LRIF1: variants seen among roughly 807,000 people sequenced by gnomAD.
LRIF1 encodes ligand-dependent nuclear receptor-interacting factor 1.
LRIF1 carries 32 observed loss-of-function variants against 52.7 expected under a neutral mutation model. The observed-to-expected ratio is 0.61, with a 90% CI of 0.46 to 0.82. The LOEUF is 0.82. LRIF1 is among the 40% of genes least tolerant of loss of function. The pLI is 0.00. For missense variants in LRIF1, 887 were observed against 892.0 expected, an observed-to-expected ratio of 0.99 and a Z score of 0.07; for synonymous variants, 323 against 317.4, an observed-to-expected ratio of 1.02 and a Z score of -0.19.
At chr1:110,937,982 C>T in the LRIF1 span, 1 of 151,982 alleles carries the variant, frequency 6.6e-6, no homozygotes, top group African/African-American at 2.4e-5. Context: ...AATTCCTAGA[C>T]ACATATAATG....
intron 1 of LRIF1, among the ~76,000 whole-genome samples, chr1:110,957,240 G>A (rs1043707125): frequency 1.4e-5 from 2 of 147,432 alleles, no homozygotes; most frequent in Non-Finnish European, 3.0e-5. Context: ...GGTGGATCAC[G>A]AGGTCAGGAG....
At chr1:110,903,749 G>GTTTT in the LRIF1 span, among the ~76,000 whole-genome samples, 2 of 152,168 alleles carry the variant, frequency 1.3e-5, no homozygotes, top group African/African-American at 4.8e-5. Flanking sequence ...AAAGCGGAGG[G>GTTTT]AAAAGTAAAG....
chr1:110,900,336 G>A, the LRIF1 span, among the ~76,000 whole-genome samples: 4 of 152,196 alleles, frequency 2.6e-5, no homozygotes, highest in Non-Finnish European at 4.4e-5. Flanking sequence ...CATGAGATTC[G>A]GCACCCAAAA....
At chr1:110,883,303 T>C in the LRIF1 span, among the ~76,000 whole-genome samples, 1 of 152,002 alleles carries the variant, frequency 6.6e-6, no homozygotes, top group Non-Finnish European at 1.5e-5. Context: ...TTCCTGTATC[T>C]ATTGAGATGA....
the LRIF1 span, chr1:110,895,161 C>T: frequency 2.5e-6 from 2 of 804,870 alleles, no homozygotes; most frequent in Admixed American, 2.0e-5. Context: ...CTAAGGTCCA[C>T]ATCCCTGAAT....
At chr1:110,916,447 C>T in the LRIF1 span, among the ~76,000 whole-genome samples, 1 of 151,818 alleles carries the variant, frequency 6.6e-6, no homozygotes, top group African/African-American at 2.4e-5. Flanking sequence ...AGAGAAACAA[C>T]ATATAAAACT....
the LRIF1 span, among the ~76,000 whole-genome samples, chr1:110,916,070 T>G: frequency 6.6e-6 from 1 of 152,208 alleles, no homozygotes; most frequent in East Asian, 1.9e-4. Context: ...CTGAATGTGT[T>G]TATCAAGAGC....
Position 110,951,846 on chromosome 1 carries a change from T to C in LRIF1, c.1038A>G (p.Arg346=). 1 of 1,613,322 alleles carries C rather than the reference T, an allele frequency of 6.2e-7. No individual in the cohort carries two copies. The highest frequency in any genetic ancestry group is 8.5e-7 in the Non-Finnish European group (1 of 1,180,012). The stretch of plus-strand genomic sequence containing the variant: ...TATCTTTAATAGGCATATTTTTGGA[T>C]CGCGTCCCACTAGGATCGATGGTAC... ...PLSTIDPSGT[R]SKNMPIKDNA... Residue 346 remains arginine, a synonymous_variant, in exon 2 of 4, where the codon CGA becomes CGG. Transcript: ENST00000369763.
In LRIF1 at chr1:110,947,844, T is replaced by A; in HGVS notation, c.*115A>T. On this transcript the variant is annotated 3_prime_UTR_variant, in exon 4 of 4. Coordinates refer to ENST00000369763, the MANE Select transcript of LRIF1 (RefSeq NM_018372.4). ...TCCTTAAAGTTGTACAATCGACTGA[T>A]GAAAAAACAAGCTTCATATTCAAAG... is the stretch of plus-strand genomic sequence containing the variant. 7.2e-7 allele frequency: 1 copy of A among 1,391,106 alleles called. No homozygotes were observed. The highest frequency in any genetic ancestry group is 2.7e-5 in the Admixed American group (1 of 37,602). The allele number at this position is 1,391,106 out of a possible 1,614,324, so 86.2% of individuals were successfully genotyped here. A position where few individuals can be genotyped will look rare whatever the true frequency, so the allele number is the denominator to read the frequency against.
At chr1:110,963,074 T>C (rs1472950539) in intron 1 of LRIF1, among the ~76,000 whole-genome samples, 1 of 152,262 alleles carries the variant, frequency 6.6e-6, no homozygotes, top group South Asian at 2.1e-4. Context: ...TCAAAAGGAC[T>C]GACTTTACAC....
chr1:110,927,207 T>TA, the LRIF1 span, among the ~76,000 whole-genome samples: 4 of 152,140 alleles, frequency 2.6e-5, no homozygotes, highest in Non-Finnish European at 5.9e-5. Context: ...AGTGTATAGT[T>TA]ACGTTTCAAT....
the LRIF1 span, among the ~76,000 whole-genome samples, chr1:110,925,633 T>C: frequency 2.3e-4 from 35 of 151,836 alleles, no homozygotes; most frequent in Non-Finnish European, 3.8e-4. Flanking sequence ...AGCAAGAGAA[T>C]AAGACAAAAA....
the LRIF1 span, chr1:110,940,357 G>C: frequency 6.6e-6 from 1 of 152,104 alleles, no homozygotes; most frequent in Non-Finnish European, 1.5e-5. Context: ...TGTGGAGAAA[G>C]GGAACTCTCC....
At chr1:110,894,202 G>A in the LRIF1 span, 34 of 755,410 alleles carry the variant, frequency 4.5e-5, no homozygotes, top group Non-Finnish European at 7.0e-5. Flanking sequence ...GGCTTACAAC[G>A]GCCTGAGGAG....
chr1:110,961,121 G>GAT (rs1251346395), intron 1 of LRIF1, among the ~76,000 whole-genome samples: 1 of 152,152 alleles, frequency 6.6e-6, no homozygotes, highest in East Asian at 1.9e-4. Flanking sequence ...CTGGATAGCT[G>GAT]ATACTTATGT....
At position 110,952,196 on chromosome 1, in the gene LRIF1, T is replaced by C. The variant is rs1658509695; in HGVS notation, c.688A>G (p.Ile230Val). 4 of 1,614,242 alleles carry C rather than the reference T, an allele frequency of 2.5e-6. No homozygotes were observed. Among genetic ancestry groups the C allele is most frequent in the Non-Finnish European group, 3.4e-6 (4 of 1,180,028 alleles). The change falls in exon 2 of 4, where the codon ATT becomes GTT. Residue 230 changes from isoleucine to valine, a missense_variant. Ile to Val is a conservative substitution (Grantham distance 29). Transcript: ENST00000369763. ...MVEASQMPTVIYVSPVNTVKN... is the reference protein window; with the variant it reads ...MVEASQMPTVVYVSPVNTVKN... ...ACTGTATTTACAGGAGATACATAAA[T>C]AACGGTTGGCATTTGGGAGGCCTCA...
the LRIF1 span, among the ~76,000 whole-genome samples, chr1:110,914,423 T>C: frequency 6.6e-6 from 1 of 152,156 alleles, no homozygotes; most frequent in East Asian, 1.9e-4. Context: ...AGAGGAAATC[T>C]AAACAGCTAA....
the LRIF1 span, among the ~76,000 whole-genome samples, chr1:110,902,878 C>T: frequency 1.3e-5 from 2 of 152,160 alleles, no homozygotes; most frequent in Non-Finnish European, 2.9e-5. Context: ...GAAAGTCATG[C>T]TGGAGAGGTG....
the LRIF1 span, chr1:110,892,662 TC>T: frequency 1.3e-6 from 1 of 782,224 alleles, no homozygotes; most frequent in Non-Finnish European, 2.1e-6. Flanking sequence ...GTACCTCAGA[TC>T]AGCCAAGTCT....
Sources: gnomAD v4.1 joint callset for allele counts (sites outside exome capture counted in the v4.1 genomes callset) on GRCh38, gnomAD v4.1.1 for gene constraint, MANE v1.5 for transcripts, NCBI Gene and HGNC (gene_info 2026-07-23, HGNC 2026-07-21) for gene names.